The following PDS5B variants were observed in gnomAD, a reference collection of about 807,000 sequenced individuals.
PDS5B encodes sister chromatid cohesion protein PDS5 homolog B.
In PDS5B, 51 loss-of-function variants were observed where a neutral mutation model predicts 184.1. The observed-to-expected ratio is 0.28, with a 90% CI of 0.22 to 0.35. The LOEUF is 0.35. Among genes scored for constraint, PDS5B ranks in the 10% least tolerant of loss-of-function variants. The pLI, the probability that PDS5B is intolerant of heterozygous loss-of-function variation, is 1.00. For missense variants in PDS5B, 1,180 were observed against 1,723.3 expected (o/e 0.68, Z 5.58); for synonymous variants, 566 against 569.2 (o/e 0.99, Z 0.08).
chr13:32,678,974 T>G (rs932797303), intron 10 of PDS5B, 45 bp downstream of exon 10: 2 of 1,059,676 alleles, frequency 1.9e-6, no homozygotes, highest in East Asian at 4.8e-5. Context: ...TGCTCTTCAG[T>G]GGAAAAAAAT....
intron 1 of PDS5B, among the ~76,000 whole-genome samples, chr13:32,613,036 C>T (rs369223867): frequency 2.6e-5 from 4 of 152,148 alleles, no homozygotes; most frequent in South Asian, 2.1e-4. Flanking sequence ...ATTCATTCAG[C>T]GCAGTTTTCC....
In PDS5B at chr13:32,682,811, A is replaced by G. The variant is rs573449753; in HGVS notation, c.1058-1067A>G. The stretch of plus-strand genomic sequence containing the variant: ...AGTCTTTTTGTTTTTAACCATTCTT[A>G]TAGGTTCTTCAACTATTTTAAATGT... On this transcript the variant is annotated intron_variant, in intron 10 of 34. Transcript: ENST00000315596. 1.6e-4 allele frequency among the ~76,000 whole-genome samples: 25 copies of G among 152,222 alleles called. No individual in the cohort carries two copies. The East Asian group carries it at 4.8e-3, about 29-fold the overall frequency.
Position 32,628,240 on chromosome 13 carries a change from T to C in PDS5B, c.-19-20514T>C, listed in dbSNP as rs530092516. On this transcript the variant is annotated intron_variant, in intron 1 of 34. Coordinates refer to ENST00000315596, the MANE Select transcript of PDS5B (RefSeq NM_015032.4). ...GCTCAAATCATTTCTATATTCCATTTTTACGTATTTGCAATAATAATACAA... is the reference window on the plus strand; with the variant it reads ...GCTCAAATCATTTCTATATTCCATTCTTACGTATTTGCAATAATAATACAA... 2.0e-5 allele frequency among the ~76,000 whole-genome samples: 3 copies of C among 152,302 alleles called. No homozygotes were observed. The South Asian group carries it at 6.2e-4, about 32-fold the overall frequency.
chr13:32,768,326 G>GT (rs1566429367), intron 31 of PDS5B, among the ~76,000 whole-genome samples: 1 of 152,082 alleles, frequency 6.6e-6, no homozygotes, highest in South Asian at 2.1e-4. Context: ...GCTCACTGAT[G>GT]TTTCCTCTTA....
chr13:32,738,654 C>G (rs1953426356), intron 21 of PDS5B, among the ~76,000 whole-genome samples: 2 of 152,028 alleles, frequency 1.3e-5, no homozygotes, highest in East Asian at 1.9e-4. Flanking sequence ...GTCCTTTGAT[C>G]CTTTGAACAA....
At chr13:32,666,836 A>C (rs1593378217) in intron 6 of PDS5B, among the ~76,000 whole-genome samples, 1 of 152,188 alleles carries the variant, frequency 6.6e-6, no homozygotes, top group Non-Finnish European at 1.5e-5. Context: ...AGTCCATAGA[A>C]TCTATGGAGA....
intron 11 of PDS5B, 84 bp from the exon 12 acceptor site, chr13:32,687,050 A>G (rs1327314838): frequency 5.6e-6 from 6 of 1,071,868 alleles, no homozygotes; most frequent in Admixed American, 2.6e-5. Flanking sequence ...AGGGAAGGAA[A>G]ACACAAAACT....
rs747403957 is a variant in PDS5B, at chr13:32,710,098, C to T, written c.2115C>T (p.His705=). 1.3e-6 allele frequency: 2 copies of T among 1,492,440 alleles called. No individual in the cohort carries two copies. The highest frequency in any genetic ancestry group is 1.8e-6 in the Non-Finnish European group (2 of 1,106,464). 92.4% of individuals were successfully genotyped at this position (1,492,440 alleles called of 1,614,324 possible). A position where few individuals can be genotyped will look rare whatever the true frequency, so the allele number is the denominator to read the frequency against. ...TGSKIEEDFP[H]IRSALLPVLH... ...GCAAAATTGAAGAGGATTTTCCACA[C>T]ATCAGATCGTGAGTTGAGTTTATTT... Residue 705 remains histidine (H), a synonymous_variant, in exon 19 of 35, where the codon CAC becomes CAT. Transcript: ENST00000315596.
intron 19 of PDS5B, among the ~76,000 whole-genome samples, chr13:32,721,194 C>A (rs1352409157): frequency 6.6e-6 from 1 of 152,238 alleles, no homozygotes. Flanking sequence ...GGCAGAGGGG[C>A]TCCTCACTTC....
intron 1 of PDS5B, among the ~76,000 whole-genome samples, chr13:32,618,837 A>G (rs2058255267): frequency 6.6e-6 from 1 of 151,888 alleles, no homozygotes; most frequent in South Asian, 2.1e-4. Flanking sequence ...TTTTTTCCCC[A>G]CCAGTAGTGG....
chr13:32,767,438 T>C (rs1032071469), intron 31 of PDS5B, among the ~76,000 whole-genome samples: 1 of 152,102 alleles, frequency 6.6e-6, no homozygotes, highest in Non-Finnish European at 1.5e-5. Context: ...CTTAGAAAAA[T>C]AAAAGAAGCA....
intron 24 of PDS5B, among the ~76,000 whole-genome samples, chr13:32,750,033 G>T (rs181045914): frequency 6.6e-6 from 1 of 152,208 alleles, no homozygotes; most frequent in African/African-American, 2.4e-5. Context: ...GACTTCCTCA[G>T]TTCCCAGTAG....
chr13:32,678,602 G>A (rs78454678), intron 9 of PDS5B, among the ~76,000 whole-genome samples: 1 of 152,084 alleles, frequency 6.6e-6, no homozygotes, highest in Admixed American at 6.5e-5. Context: ...GTTTATTCAG[G>A]TTCCTTAAAA....
chr13:32,714,776 A>G (rs987346182), intron 19 of PDS5B, among the ~76,000 whole-genome samples: 13 of 152,118 alleles, frequency 8.5e-5, no homozygotes, highest in Admixed American at 5.9e-4. Context: ...AGGTGCCCAC[A>G]TTTCATATTG....
At chr13:32,679,015 T>C (rs1951157170) in intron 10 of PDS5B, 86 bp downstream of exon 10, 1 of 655,084 alleles carries the variant, frequency 1.5e-6, no homozygotes, top group South Asian at 2.0e-5. Flanking sequence ...AAACCCCTTT[T>C]TTCGGGGGTG....
In PDS5B at chr13:32,634,125, C is replaced by G. The variant is rs562857467; in HGVS notation, c.-19-14629C>G. 1.8e-3 allele frequency among the ~76,000 whole-genome samples: 271 copies of G among 152,308 alleles called. 1 individual carries two copies. Among genetic ancestry groups the G allele is most frequent in the African/African-American group, 5.9e-3 (245 of 41,556 alleles). ...TCTTGCAGTCCCTCATAGATTCCTGCAGTCTTCCTGTGTTCTAGCTGGTAT... is the reference window on the plus strand; with the variant it reads ...TCTTGCAGTCCCTCATAGATTCCTGGAGTCTTCCTGTGTTCTAGCTGGTAT... On this transcript the variant is annotated intron_variant, in intron 1 of 34. Transcript: ENST00000315596.
intron 19 of PDS5B, among the ~76,000 whole-genome samples, chr13:32,711,075 C>T (rs1360521922): frequency 1.3e-5 from 2 of 151,944 alleles, no homozygotes; most frequent in African/African-American, 4.8e-5. Flanking sequence ...TCACTGCAAC[C>T]TTCACCTCCC....
At position 32,683,933 on chromosome 13, in the gene PDS5B, T is replaced by A. The variant is rs1056663500; in HGVS notation, c.1113T>A (p.Ile371=). The A allele has an allele frequency of 6.9e-6, 11 of 1,591,896 alleles. No homozygotes were observed. Among genetic ancestry groups the A allele is most frequent in the Non-Finnish European group, 9.5e-6 (11 of 1,160,892 alleles). ...DPEEAIRHDV[I]VSIVTAAKKD... ...AGGAAGCTATTAGACATGATGTTAT[T>A]GTGTCAATAGTTACAGCTGCTAAAA... Residue 371 remains isoleucine (I), a synonymous_variant, in exon 11 of 35, where the codon ATT becomes ATA. Transcript: ENST00000315596.
At chr13:32,745,667 G>T (rs2140981838) in intron 23 of PDS5B, among the ~76,000 whole-genome samples, 1 of 152,274 alleles carries the variant, frequency 6.6e-6, no homozygotes, top group East Asian at 1.9e-4. Context: ...GCAGACTGCT[G>T]ACTTCTTGCT....
Sources: allele counts gnomAD v4.1 joint callset (sites outside exome capture counted in the v4.1 genomes callset), GRCh38; gene constraint gnomAD v4.1.1; transcripts MANE v1.5; gene names NCBI Gene and HGNC (gene_info 2026-07-23, HGNC 2026-07-21).